Variants in LRP6 observed in about 807,000 individuals in gnomAD.
LRP6 encodes LDL receptor related protein 6.
LRP6 carries 43 observed loss-of-function variants against 184.1 expected under a neutral mutation model. The observed-to-expected ratio is 0.23, with a 90% CI of 0.18 to 0.30. The LOEUF is 0.30. Ranked by LOEUF, LRP6 falls within the 10% of genes least tolerant of loss-of-function variation. LRP6 has a pLI of 1.00. For synonymous variants in LRP6, 719 were observed against 684.9 expected (o/e 1.05, Z -0.78); for missense variants, 1,571 against 2,005.3 (o/e 0.78, Z 4.14).
chr12:12,209,163 T>G, intron 2 of LRP6, among the ~76,000 whole-genome samples: 1 of 152,220 alleles, frequency 6.6e-6, no homozygotes, highest in South Asian at 2.1e-4. Flanking sequence ...CCAGAAGCAA[T>G]TTGCACACTA....
chr12:12,259,411 T>G (rs1032985817), intron 1 of LRP6, among the ~76,000 whole-genome samples: 3 of 152,146 alleles, frequency 2.0e-5, no homozygotes, highest in Non-Finnish European at 2.9e-5. Flanking sequence ...CCCAATCTCC[T>G]CCTGAAATTA....
intron 15 of LRP6, among the ~76,000 whole-genome samples, chr12:12,143,437 G>A (rs1949961270): frequency 6.6e-6 from 1 of 152,124 alleles, no homozygotes; most frequent in East Asian, 1.9e-4. Context: ...CATGGAAATT[G>A]CGGTAGTTAA....
intron 5 of LRP6, among the ~76,000 whole-genome samples, chr12:12,181,955 T>C (rs1211614512): frequency 6.6e-6 from 1 of 152,240 alleles, no homozygotes. Flanking sequence ...GGATTTTATA[T>C]GCTATGTAAG....
chr12:12,169,090 G>A (rs1336130721), intron 7 of LRP6, among the ~76,000 whole-genome samples: 4 of 152,046 alleles, frequency 2.6e-5, no homozygotes, highest in Non-Finnish European at 5.9e-5. Context: ...TTAGCCGGGA[G>A]TGGTGGCTAA....
At chr12:12,228,066 G>A (rs889144208) in intron 2 of LRP6, among the ~76,000 whole-genome samples, 4 of 152,170 alleles carry the variant, frequency 2.6e-5, no homozygotes, top group African/African-American at 9.6e-5. Context: ...TGTATCCAAG[G>A]TAAGGATTAA....
intron 17 of LRP6, 133 bp downstream of exon 17, chr12:12,135,042 A>C: frequency 7.9e-7 from 1 of 1,271,640 alleles, no homozygotes; most frequent in Non-Finnish European, 1.1e-6. Context: ...AGTACAATAC[A>C]AATGAATGGA....
chr12:12,186,650 G>C (rs1361841675), intron 4 of LRP6, among the ~76,000 whole-genome samples: 1 of 130,070 alleles, frequency 7.7e-6, no homozygotes, highest in Non-Finnish European at 1.6e-5. Context: ...AAAGTGCTGG[G>C]ATTTTAACTT....
chr12:12,164,951 AAAAAGGC>A, intron 8 of LRP6, 121 bp downstream of exon 8: 4 of 539,562 alleles, frequency 7.4e-6, no homozygotes, highest in East Asian at 3.2e-5. Context: ...AAAAAAAAAA[AAAAAGGC>A]GGGGGGGCAG....
At chr12:12,161,682 T>C (rs572030846) in intron 10 of LRP6, among the ~76,000 whole-genome samples, 1 of 152,332 alleles carries the variant, frequency 6.6e-6, no homozygotes, top group South Asian at 2.1e-4. Flanking sequence ...TTGAAAAACA[T>C]CATGTTGTGA....
chr12:12,199,185 T>C (rs1274112093), intron 3 of LRP6, among the ~76,000 whole-genome samples: 1 of 151,636 alleles, frequency 6.6e-6, no homozygotes, highest in African/African-American at 2.4e-5. Flanking sequence ...ATACACTGAA[T>C]TGAACCTTTG....
intron 1 of LRP6, among the ~76,000 whole-genome samples, chr12:12,247,988 TTA>T (rs1865229973): frequency 6.6e-6 from 1 of 152,158 alleles, no homozygotes; most frequent in Non-Finnish European, 1.5e-5. Flanking sequence ...CCTGAATCCT[TTA>T]TCCTCAGATC....
rs749258899 is a variant in LRP6 at position 12,195,564 on chromosome 12, G to GT, written c.647+7638dup. ...CAAACTGGTTTTTTGCTGTTGAACT[G>GT]TTTGAGTTCCCTGTATATTCTGGAT... On this transcript the variant is annotated intron_variant, in intron 3 of 22. Coordinates refer to ENST00000261349, the MANE Select transcript of LRP6 (RefSeq NM_002336.3). 6.6e-5 allele frequency among the ~76,000 whole-genome samples: 10 copies of GT among 152,036 alleles called. No individual in the cohort carries two copies. The South Asian group carries it at 8.3e-4, about 13-fold the overall frequency.
intron 15 of LRP6, among the ~76,000 whole-genome samples, chr12:12,144,240 G>A (rs1235523379): frequency 6.6e-6 from 1 of 152,116 alleles, no homozygotes; most frequent in African/African-American, 2.4e-5. Context: ...ACAGGGTCTC[G>A]GCTTTATTGG....
chr12:12,179,088 A>G (rs1167858431), intron 7 of LRP6, among the ~76,000 whole-genome samples: 1 of 152,208 alleles, frequency 6.6e-6, no homozygotes, highest in Non-Finnish European at 1.5e-5. Flanking sequence ...AGTCTAATTC[A>G]AAGTTGTTAA....
rs1274189110 is a variant in LRP6 at position 12,138,443 on chromosome 12, C to T, written c.3489G>A (p.Gln1163=). The change falls in exon 16 of 23, where the codon CAG becomes CAA. Residue 1163 remains glutamine (Q), a synonymous_variant. Coordinates refer to ENST00000261349, the MANE Select transcript of LRP6 (RefSeq NM_002336.3). ...TGTCAATTTTTTCAATCATTTGCTG[C>T]TGTTTATCAATCCAATAGAGCCAGT... is the stretch of plus-strand genomic sequence containing the variant. ...FENWLYWIDK[Q]QQMIEKIDMT... 1.2e-6 allele frequency: 2 copies of T among 1,614,056 alleles called. No homozygotes were observed. The highest frequency in any genetic ancestry group is 1.7e-6 in the Non-Finnish European group (2 of 1,179,982).
intron 7 of LRP6, among the ~76,000 whole-genome samples, chr12:12,171,898 T>C (rs1863056321): frequency 6.6e-6 from 1 of 152,256 alleles, no homozygotes; most frequent in African/African-American, 2.4e-5. Context: ...CCATTTCTCA[T>C]ATTCCTGTAA....
chr12:12,205,329 CAAAAAAAAAAAAAAAA>C (rs56169717), intron 2 of LRP6, among the ~76,000 whole-genome samples: 2 of 39,106 alleles, frequency 5.1e-5, no homozygotes, highest in African/African-American at 7.6e-5. Flanking sequence ...CTCAAACAAA[CAAAAAAAAAAAAAAAA>C]AAAAAAAAAA....
intron 3 of LRP6, among the ~76,000 whole-genome samples, chr12:12,193,494 C>T (rs1863670209): frequency 6.9e-6 from 1 of 144,644 alleles, no homozygotes; most frequent in African/African-American, 2.6e-5. Flanking sequence ...TAGTGCTAGA[C>T]TGACCCAAAA....
At chr12:12,196,449 T>C (rs1329698943) in intron 3 of LRP6, among the ~76,000 whole-genome samples, 1 of 152,134 alleles carries the variant, frequency 6.6e-6, no homozygotes, top group Non-Finnish European at 1.5e-5. Flanking sequence ...TTTATTAATT[T>C]CTTATAGCTA....
Sources: gnomAD v4.1 joint callset for allele counts (sites outside exome capture counted in the v4.1 genomes callset) on GRCh38, gnomAD v4.1.1 for gene constraint, MANE v1.5 for transcripts, NCBI Gene and HGNC (gene_info 2026-07-23, HGNC 2026-07-21) for gene names.